COL21A1: variants seen among roughly 807,000 people sequenced by gnomAD.
The protein encoded by COL21A1 is collagen alpha-1(XXI) chain.
Under a neutral mutation model 137.9 loss-of-function variants are expected in COL21A1, and 149 were observed. The observed-to-expected ratio is 1.08, with a 90% CI of 0.95 to 1.24. The LOEUF is 1.24. Ranked by LOEUF, COL21A1 falls within the 50% of genes most tolerant of loss-of-function variation. The probability of loss-of-function intolerance (pLI) is 0.00; values close to 1 mark genes in which losing one functional copy is unlikely to be tolerated. For synonymous variants in COL21A1, 456 were observed against 391.5 expected (o/e 1.16, Z -1.95); for missense variants, 1,167 against 1,158.4 (o/e 1.01, Z -0.11).
At position 56,057,377 on chromosome 6, in the gene COL21A1, C is replaced by T. The variant is rs1017110566; in HGVS notation, c.*280G>A. On this transcript the variant is annotated 3_prime_UTR_variant, in exon 30 of 30. Transcript: ENST00000244728. ...TGACTAAAACTGACTGGCTAACAGG[C>T]AATGGTGGATTTTTATATTCAACTT... 6.9e-5 allele frequency: 26 copies of T among 374,796 alleles called. No homozygotes were observed. Among genetic ancestry groups the T allele is most frequent in the Non-Finnish European group, 1.2e-4 (24 of 207,134 alleles). 23.2% of individuals were successfully genotyped at this position (374,796 alleles called of 1,614,324 possible).
chr6:56,340,385 A>G (rs1014051512), intron 1 of COL21A1, among the ~76,000 whole-genome samples: 11 of 134,986 alleles, frequency 8.1e-5, no homozygotes, highest in Non-Finnish European at 1.6e-4. Flanking sequence ...GGCAAGGCAC[A>G]CAGGGAGGAG....
intron 1 of COL21A1, among the ~76,000 whole-genome samples, chr6:56,288,056 T>C (rs546306677): frequency 4.5e-4 from 68 of 152,152 alleles, no homozygotes; most frequent in Non-Finnish European, 9.0e-4. Flanking sequence ...TTCTAATCTA[T>C]AAAATTAAGG....
chr6:56,285,721 T>C (rs984585125), intron 1 of COL21A1, among the ~76,000 whole-genome samples: 2 of 152,234 alleles, frequency 1.3e-5, no homozygotes, highest in South Asian at 2.1e-4. Flanking sequence ...CTTATCTCTA[T>C]GGAGCAAATC....
intron 1 of COL21A1, among the ~76,000 whole-genome samples, chr6:56,200,537 A>G (rs1455995192): frequency 7.0e-6 from 1 of 142,478 alleles, no homozygotes; most frequent in Non-Finnish European, 1.5e-5. Flanking sequence ...CCCACCTATG[A>G]GTGAGAACAT....
chr6:56,186,811 T>G (rs1778337973), intron 1 of COL21A1, among the ~76,000 whole-genome samples: 2 of 152,324 alleles, frequency 1.3e-5, no homozygotes. Flanking sequence ...AGATCCATAT[T>G]CAGAATTAAA....
At chr6:56,287,062 G>T (rs1194226129) in intron 1 of COL21A1, among the ~76,000 whole-genome samples, 3 of 152,130 alleles carry the variant, frequency 2.0e-5, no homozygotes, top group African/African-American at 7.2e-5. Flanking sequence ...CTGACATTCA[G>T]ATCTATGAGT....
At chr6:56,200,227 T>C (rs1235488468) in intron 1 of COL21A1, among the ~76,000 whole-genome samples, 1 of 152,210 alleles carries the variant, frequency 6.6e-6, no homozygotes, top group Non-Finnish European at 1.5e-5. Context: ...ACAAGCATTA[T>C]GTTCAGTTTA....
intron 12 of COL21A1, among the ~76,000 whole-genome samples, chr6:56,138,738 G>A (rs762470919): frequency 2.6e-5 from 4 of 152,088 alleles, no homozygotes; most frequent in Non-Finnish European, 4.4e-5. Flanking sequence ...GAGAGAAATG[G>A]CAGTGAAAAT....
intron 3 of COL21A1, among the ~76,000 whole-genome samples, chr6:56,173,171 G>T (rs1777195858): frequency 6.6e-6 from 1 of 151,898 alleles, no homozygotes; most frequent in Admixed American, 6.6e-5. Flanking sequence ...GGGCAACATG[G>T]CAAAACCCCA....
chr6:56,096,899 C>A (rs1447714670), intron 17 of COL21A1, among the ~76,000 whole-genome samples: 2 of 152,028 alleles, frequency 1.3e-5, no homozygotes, highest in African/African-American at 4.8e-5. Flanking sequence ...ATGTTTATTT[C>A]TTTGTGTCAC....
At chr6:56,352,085 T>C (rs1220660573) in intron 1 of COL21A1, among the ~76,000 whole-genome samples, 10 of 152,166 alleles carry the variant, frequency 6.6e-5, no homozygotes, top group Admixed American at 5.2e-4. Context: ...CTGGGAAACA[T>C]AGTGAGACCT....
chr6:56,310,418 TTGAG>T (rs958881985), intron 1 of COL21A1, among the ~76,000 whole-genome samples: 1 of 152,162 alleles, frequency 6.6e-6, no homozygotes, highest in African/African-American at 2.4e-5. Context: ...GGAGAAGAGT[TTGAG>T]TATCAGTATT....
chr6:56,064,673 A>G (rs1157662169), intron 23 of COL21A1, 51 bp from the exon 24 acceptor site: 1 of 1,246,958 alleles, frequency 8.0e-7, no homozygotes, highest in Non-Finnish European at 1.1e-6. Context: ...TTACGATGCA[A>G]TCACATATGC....
In COL21A1 at chr6:56,126,112, C is replaced by T. The variant is rs1428065280; in HGVS notation, c.1580G>A (p.Gly527Asp). The T allele has an allele frequency of 1.2e-5, 18 of 1,547,444 alleles. No homozygotes were observed. In the South Asian group the frequency reaches 1.7e-4, roughly 15 times the overall value. ...RGLPGFPGLHGMPGSKGEMGA... is the reference protein window; with the variant it reads ...RGLPGFPGLHDMPGSKGEMGA... ...TTCTTCAACCTTTGATCCTGGCATG[C>T]CATGAAGCCCAGGAAAACCAGGAAG... The change falls in exon 13 of 30, where the codon GGC becomes GAC. Residue 527 changes from glycine (G) to aspartate (D), a missense_variant. Transcript: ENST00000244728.
At chr6:56,323,820 C>G (rs1313642642) in intron 1 of COL21A1, among the ~76,000 whole-genome samples, 2 of 152,062 alleles carry the variant, frequency 1.3e-5, no homozygotes, top group Non-Finnish European at 2.9e-5. Flanking sequence ...CATTCGGTGA[C>G]TTTAATAATT....
chr6:56,118,159 A>G (rs1159087047), intron 16 of COL21A1, among the ~76,000 whole-genome samples: 1 of 151,756 alleles, frequency 6.6e-6, no homozygotes, highest in Non-Finnish European at 1.5e-5. Flanking sequence ...TTTTGAAAAG[A>G]CAAACAAAAT....
intron 12 of COL21A1, among the ~76,000 whole-genome samples, chr6:56,138,000 G>C (rs924290186): frequency 6.6e-6 from 1 of 152,138 alleles, no homozygotes; most frequent in Non-Finnish European, 1.5e-5. Context: ...GGAGGGCAAA[G>C]CTAGTGCTGT....
intron 1 of COL21A1, among the ~76,000 whole-genome samples, chr6:56,326,107 CATAAA>C (rs1485278440): frequency 2.3e-5 from 3 of 130,154 alleles, no homozygotes; most frequent in African/African-American, 5.7e-5. Flanking sequence ...AGAATTTTAA[CATAAA>C]ACAAAACTGG....
intron 16 of COL21A1, among the ~76,000 whole-genome samples, chr6:56,102,495 AG>A (rs1417921038): frequency 6.6e-6 from 1 of 152,178 alleles, no homozygotes; most frequent in Non-Finnish European, 1.5e-5. Context: ...GCAAGATAGG[AG>A]GTAAAATAAA....
Sources: allele counts gnomAD v4.1 joint callset (sites outside exome capture counted in the v4.1 genomes callset), GRCh38; gene constraint gnomAD v4.1.1; transcripts MANE v1.5; gene names NCBI Gene and HGNC (gene_info 2026-07-23, HGNC 2026-07-21).